Variants in ITFG1 observed in about 807,000 individuals in gnomAD.
ITFG1 encodes T-cell immunomodulatory protein.
ITFG1 carries 34 observed loss-of-function variants against 81.8 expected under a neutral mutation model. That is an observed-to-expected ratio of 0.42 (90% CI 0.32 to 0.55). ITFG1 has a LOEUF of 0.55. Ranked by LOEUF, ITFG1 falls within the 20% of genes least tolerant of loss-of-function variation. The probability of loss-of-function intolerance (pLI) is 0.17; values close to 1 mark genes in which losing one functional copy is unlikely to be tolerated. For missense variants in ITFG1, 672 were observed against 755.4 expected (o/e 0.89, Z 1.29); for synonymous variants, 285 against 270.6 (o/e 1.05, Z -0.52).
At chr16:47,439,212 G>T (rs1969211498) in intron 5 of ITFG1, among the ~76,000 whole-genome samples, 1 of 152,176 alleles carries the variant, frequency 6.6e-6, no homozygotes, top group Non-Finnish European at 1.5e-5. Context: ...CGTCTAACTG[G>T]TGTACTTGAA....
chr16:47,420,342 T>C (rs917890645), intron 6 of ITFG1, among the ~76,000 whole-genome samples: 1 of 152,210 alleles, frequency 6.6e-6, no homozygotes, highest in Non-Finnish European at 1.5e-5. Flanking sequence ...TTTGTAAATG[T>C]CTGTTGGGCC....
intron 6 of ITFG1, among the ~76,000 whole-genome samples, chr16:47,413,853 T>C (rs1390829643): frequency 1.3e-5 from 2 of 152,150 alleles, no homozygotes; most frequent in East Asian, 1.9e-4. Context: ...TTATTCTCGC[T>C]CTTATCCCCC....
Position 47,387,014 on chromosome 16 carries a change from A to AC in ITFG1, c.656-11075dup, listed in dbSNP as rs1596949764. 1.6e-4 allele frequency among the ~76,000 whole-genome samples: 25 copies of AC among 152,322 alleles called. 1 individual carries two copies. In the East Asian group the frequency reaches 4.6e-3, roughly 28 times the overall value. On this transcript the variant is annotated intron_variant, in intron 6 of 17. Transcript: ENST00000320640. ...CCTGAAGTCTGGACAAACCTACAAC[A>AC]CCAACCTACAGAACAAACCTGCAAA...
chr16:47,360,940 A>G (rs1968101073), intron 8 of ITFG1, among the ~76,000 whole-genome samples: 1 of 152,194 alleles, frequency 6.6e-6, no homozygotes, highest in African/African-American at 2.4e-5. Context: ...TTACTTTACT[A>G]AATGTCATTG....
chr16:47,340,521 C>A (rs1484217496), intron 8 of ITFG1, among the ~76,000 whole-genome samples: 1 of 151,100 alleles, frequency 6.6e-6, no homozygotes, highest in Non-Finnish European at 1.5e-5. Flanking sequence ...ACCACAAACA[C>A]GAAAATATAG....
chr16:47,443,866 G>A (rs1352556885), intron 5 of ITFG1, among the ~76,000 whole-genome samples: 1 of 152,038 alleles, frequency 6.6e-6, no homozygotes, highest in Non-Finnish European at 1.5e-5. Context: ...TCTGCACGTT[G>A]TGCACATGTA....
chr16:47,409,035 AAG>A (rs1225128919), intron 6 of ITFG1, among the ~76,000 whole-genome samples: 1 of 152,130 alleles, frequency 6.6e-6, no homozygotes, highest in African/African-American at 2.4e-5. Context: ...GTGAAAGAAA[AAG>A]AGCAAAAAAA....
At position 47,313,837 on chromosome 16, in the gene ITFG1, C is replaced by T. The variant is rs966878705; in HGVS notation, c.803-14G>A. On this transcript the variant is annotated splice_polypyrimidine_tract_variant and intron_variant, in intron 8 of 17. Transcript: ENST00000320640. Reference sequence around the variant, plus strand: ...GTCCATCTCCATCTGCCAAAAGAAACTTCAAGAGTCCATTAATAGTCACAA... The same window carrying T: ...GTCCATCTCCATCTGCCAAAAGAAATTTCAAGAGTCCATTAATAGTCACAA... 1.4e-6 allele frequency: 2 copies of T among 1,471,980 alleles called. No individual in the cohort carries two copies. Among genetic ancestry groups the T allele is most frequent in the Non-Finnish European group, 1.9e-6 (2 of 1,067,104 alleles). 91.2% of individuals were successfully genotyped at this position (1,471,980 alleles called of 1,614,324 possible). A position where few individuals can be genotyped will look rare whatever the true frequency, so the allele number is the denominator to read the frequency against.
intron 6 of ITFG1, among the ~76,000 whole-genome samples, chr16:47,403,126 T>C (rs1035469934): frequency 3.3e-5 from 5 of 152,216 alleles, no homozygotes; most frequent in Non-Finnish European, 5.9e-5. Context: ...AGATCATATT[T>C]GCAGTATTTA....
chr16:47,386,025 T>C (rs1298775629), intron 6 of ITFG1, among the ~76,000 whole-genome samples: 4 of 152,264 alleles, frequency 2.6e-5, no homozygotes, highest in Middle Eastern at 3.4e-3. Flanking sequence ...TTCAAGGCCA[T>C]TGACTTAAAC....
chr16:47,362,941 G>A (rs1968127979), intron 8 of ITFG1, among the ~76,000 whole-genome samples: 1 of 152,054 alleles, frequency 6.6e-6, no homozygotes, highest in African/African-American at 2.4e-5. Flanking sequence ...TGTCCACCCA[G>A]GTTGGAGTGC....
At chr16:47,344,541 A>C (rs1967825927) in intron 8 of ITFG1, among the ~76,000 whole-genome samples, 1 of 152,244 alleles carries the variant, frequency 6.6e-6, no homozygotes, top group Admixed American at 6.5e-5. Flanking sequence ...ATTTAGCAAG[A>C]GTTTTTTCCA....
At chr16:47,164,851 G>T (rs192791011) in intron 14 of ITFG1, among the ~76,000 whole-genome samples, 4 of 152,352 alleles carry the variant, frequency 2.6e-5, no homozygotes, top group Non-Finnish European at 5.9e-5. Flanking sequence ...TGAAGCCGCT[G>T]GCTTTCCATG....
intron 8 of ITFG1, among the ~76,000 whole-genome samples, chr16:47,356,033 G>C (rs1384660937): frequency 6.6e-6 from 1 of 152,164 alleles, no homozygotes; most frequent in African/African-American, 2.4e-5. Context: ...AACTAATGCA[G>C]ATGAAGAAGG....
At chr16:47,232,381 G>A (rs570461338) in intron 13 of ITFG1, among the ~76,000 whole-genome samples, 1 of 152,226 alleles carries the variant, frequency 6.6e-6, no homozygotes, top group Non-Finnish European at 1.5e-5. Flanking sequence ...TAGGAGGGAA[G>A]GTTAACTACT....
At chr16:47,209,595 C>T (rs1965541324) in intron 14 of ITFG1, among the ~76,000 whole-genome samples, 1 of 152,094 alleles carries the variant, frequency 6.6e-6, no homozygotes. Context: ...AAAATGAGAA[C>T]ATATTATCAA....
rs35965452 is a variant in ITFG1, at chr16:47,368,555, C to CAAAAAAAAAAAAAAAAA, written c.721-2703_721-2687dup. Among the ~76,000 whole-genome samples the CAAAAAAAAAAAAAAAAA allele has an allele frequency of 8.9e-5, 3 of 33,548 alleles. 1 individual carries two copies. The highest frequency in any genetic ancestry group is 1.4e-4 in the African/African-American group (1 of 7,306). 22.0% of individuals were successfully genotyped at this position (33,548 alleles called of 152,430 possible). A position where few individuals can be genotyped will look rare whatever the true frequency, so the allele number is the denominator to read the frequency against. Reference sequence around the variant, plus strand: ...TGGGTGACAGAGCAAGACTCCATCTCAAAAAAAAAAAAAAAAAAAAAAAAA... The same window carrying CAAAAAAAAAAAAAAAAA: ...TGGGTGACAGAGCAAGACTCCATCTCAAAAAAAAAAAAAAAAAAAAAAAAAAAAAAAAAAAAAAAAAA... On this transcript the variant is annotated intron_variant, in intron 7 of 17. Coordinates refer to ENST00000320640, the MANE Select transcript of ITFG1 (RefSeq NM_030790.5).
At chr16:47,279,390 T>A (rs1034417089) in intron 10 of ITFG1, among the ~76,000 whole-genome samples, 1 of 152,144 alleles carries the variant, frequency 6.6e-6, no homozygotes, top group Non-Finnish European at 1.5e-5. Context: ...TTATAAAGAC[T>A]ATCTTTTCTC....
chr16:47,420,150 A>G (rs1968926388), intron 6 of ITFG1, among the ~76,000 whole-genome samples: 1 of 152,078 alleles, frequency 6.6e-6, no homozygotes, highest in African/African-American at 2.4e-5. Context: ...ACAGTTTCCA[A>G]AGATCCTCTT....
Sources: gnomAD v4.1 joint callset for allele counts (sites outside exome capture counted in the v4.1 genomes callset) on GRCh38, gnomAD v4.1.1 for gene constraint, MANE v1.5 for transcripts, NCBI Gene and HGNC (gene_info 2026-07-23, HGNC 2026-07-21) for gene names.